STXBP5: variants seen among roughly 807,000 people sequenced by gnomAD.
STXBP5 encodes syntaxin binding protein 5.
STXBP5 carries 50 observed loss-of-function variants against 152.4 expected under a neutral mutation model. The observed-to-expected ratio is 0.33, with a 90% CI of 0.26 to 0.42. The LOEUF is 0.42. STXBP5 is among the 10% of genes least tolerant of loss of function. The probability of loss-of-function intolerance (pLI) is 1.00; values close to 1 mark genes in which losing one functional copy is unlikely to be tolerated. For synonymous variants in STXBP5, 492 were observed against 494.7 expected, an observed-to-expected ratio of 0.99 and a Z score of 0.07; for missense variants, 1,167 against 1,388.6, an observed-to-expected ratio of 0.84 and a Z score of 2.54.
chr6:147,271,512 A>T (rs775914489), intron 7 of STXBP5, among the ~76,000 whole-genome samples: 7 of 152,166 alleles, frequency 4.6e-5, no homozygotes, highest in Non-Finnish European at 1.0e-4. Flanking sequence ...TGGAAAATCT[A>T]TAAATATTGA....
intron 2 of STXBP5, among the ~76,000 whole-genome samples, chr6:147,233,235 A>G (rs1248804426): frequency 1.3e-5 from 2 of 151,808 alleles, no homozygotes; most frequent in Non-Finnish European, 3.0e-5. Context: ...TTTGGTGTGC[A>G]TACCTATAAA....
chr6:147,330,935 G>A (rs1199898692), intron 18 of STXBP5, among the ~76,000 whole-genome samples: 4 of 152,168 alleles, frequency 2.6e-5, no homozygotes, highest in African/African-American at 4.8e-5. Flanking sequence ...GTTGTCTATA[G>A]CTGCTTTTGT....
rs145592531 is a variant in STXBP5, at chr6:147,354,581, A to G, written c.2305+1208A>G. ...AGACTCTCAGAGGCCCAGGATTTCA[A>G]TAGCATTAAATATTACTAGTTAAAG... On this transcript the variant is annotated intron_variant, in intron 22 of 27. Transcript: ENST00000321680. 2.8e-3 allele frequency among the ~76,000 whole-genome samples: 420 copies of G among 152,284 alleles called. 2 individuals carry two copies. Among genetic ancestry groups the G allele is most frequent in the Non-Finnish European group, 4.2e-3 (286 of 68,012 alleles).
At chr6:147,315,464 T>C (rs1782594974) in intron 14 of STXBP5, 51 bp from the exon 15 acceptor site, 1 of 1,261,092 alleles carries the variant, frequency 7.9e-7, no homozygotes, top group Non-Finnish European at 1.1e-6. Context: ...TGTTACCTTA[T>C]GTTTGATCAT....
intron 2 of STXBP5, among the ~76,000 whole-genome samples, chr6:147,215,413 G>T (rs555591626): frequency 5.5e-4 from 84 of 152,206 alleles, no homozygotes; most frequent in African/African-American, 1.9e-3. Context: ...ACAAGGTCTG[G>T]CTCTGTCGCC....
intron 4 of STXBP5, among the ~76,000 whole-genome samples, chr6:147,241,032 T>TA (rs1778515316): frequency 6.6e-6 from 1 of 152,228 alleles, no homozygotes; most frequent in Admixed American, 6.5e-5. Context: ...TTCTAACTCT[T>TA]ACTGTATTAT....
intron 18 of STXBP5, among the ~76,000 whole-genome samples, chr6:147,328,540 T>C (rs2128387880): frequency 6.6e-6 from 1 of 152,336 alleles, no homozygotes; most frequent in African/African-American, 2.4e-5. Context: ...TACTTTGGCT[T>C]GATGACTGAA....
In STXBP5 at chr6:147,205,972, C is replaced by T. The variant is rs1776534313; in HGVS notation, c.152C>T (p.Thr51Ile). ...GTGATGTCACTTGCCCATCCCTAGA[C>T]TGTTCGCCATGGATTTCCCTATCAA... ...LQSEHFQLCK[T>I]VRHGFPYQPS... is the part of the protein sequence containing the mutation. The change falls in exon 2 of 28, where the codon ACT (threonine) becomes ATT (isoleucine). Residue 51 changes from threonine to isoleucine, a missense_variant and splice_region_variant. Thr to Ile is a moderately conservative substitution (Grantham distance 89). Around this residue, in one of 3 missense-constraint regions of STXBP5, gnomAD observed 310 missense variants for 346.1 expected, o/e 0.90. Coordinates refer to ENST00000321680, the MANE Select transcript of STXBP5 (RefSeq NM_001127715.4). 6.2e-7 allele frequency: 1 copy of T among 1,613,830 alleles called. No homozygotes were observed. Among genetic ancestry groups the T allele is most frequent in the Admixed American group, 1.7e-5 (1 of 59,996 alleles).
intron 18 of STXBP5, 47 bp from the exon 19 acceptor site, chr6:147,334,110 C>G: frequency 6.3e-7 from 1 of 1,581,728 alleles, no homozygotes; most frequent in Non-Finnish European, 8.6e-7. Context: ...CAAAACTGCA[C>G]TTACATAAAT....
At chr6:147,226,311 A>C (rs1204800354) in intron 2 of STXBP5, among the ~76,000 whole-genome samples, 4 of 152,122 alleles carry the variant, frequency 2.6e-5, no homozygotes, top group Non-Finnish European at 4.4e-5. Context: ...AAAAAAAAAA[A>C]AAGATATTAC....
rs1039084 is a variant in STXBP5 at position 147,314,277 on chromosome 6, A to G, written c.1307A>G (p.Asn436Ser). The G allele has an allele frequency of 0.53, 849,375 of 1,599,470 alleles. 229,177 individuals carry two copies. The highest frequency in any genetic ancestry group is 0.55 in the Non-Finnish European group (641,761 of 1,167,230). The change falls in exon 13 of 28, where the codon AAC (asparagine) becomes AGC (serine). Residue 436 changes from asparagine (N) to serine (S), a missense_variant. Asn to Ser is a conservative substitution (Grantham distance 46). Around this residue, in one of 3 missense-constraint regions of STXBP5, gnomAD observed 833 missense variants for 986.3 expected, o/e 0.84. Transcript: ENST00000321680. ...QGYSKKEWPI[N>S]GGNWGLGAQS... ...CTTTTTTTATAGGAATGGCCCATCA[A>G]CGGAGGTAATTGGGGCTTGGGTGCT...
At chr6:147,269,355 C>G (rs619175) in intron 7 of STXBP5, among the ~76,000 whole-genome samples, 50,307 of 152,000 alleles carry the variant, frequency 0.33, 9,522 homozygotes, top group South Asian at 0.46. Flanking sequence ...TTTGAAAGGA[C>G]TGAAAGGACT....
At chr6:147,257,973 G>A (rs1185968649) in intron 4 of STXBP5, among the ~76,000 whole-genome samples, 1 of 152,110 alleles carries the variant, frequency 6.6e-6, no homozygotes, top group East Asian at 1.9e-4. Context: ...TGCCTTACTC[G>A]TATGTCTGGT....
intron 25 of STXBP5, among the ~76,000 whole-genome samples, chr6:147,373,355 G>C (rs1785650847): frequency 1.0e-5 from 1 of 98,906 alleles, no homozygotes; most frequent in South Asian, 3.8e-4. Flanking sequence ...GACAGAGTGA[G>C]ACTGTCTCAA....
intron 4 of STXBP5, among the ~76,000 whole-genome samples, chr6:147,258,207 C>A (rs1014780081): frequency 1.3e-5 from 2 of 152,174 alleles, no homozygotes; most frequent in African/African-American, 2.4e-5. Flanking sequence ...AATCTGAAAT[C>A]TTCTACGTTT....
At chr6:147,311,102 T>C (rs1056407031) in intron 10 of STXBP5, among the ~76,000 whole-genome samples, 2 of 152,156 alleles carry the variant, frequency 1.3e-5, no homozygotes, top group Admixed American at 6.5e-5. Flanking sequence ...CCAAGAAAGA[T>C]AGTATTATAG....
In STXBP5 at chr6:147,292,326, G is replaced by A. The variant is rs754416596; in HGVS notation, c.917+1154G>A. 24 of 432,856 alleles carry A rather than the reference G, an allele frequency of 5.5e-5. 1 individual carries two copies. Among genetic ancestry groups the A allele is most frequent in the South Asian group, 2.0e-4 (12 of 60,536 alleles). 26.8% of individuals were successfully genotyped at this position (432,856 alleles called of 1,614,324 possible). A position where few individuals can be genotyped will look rare whatever the true frequency, so the allele number is the denominator to read the frequency against. On this transcript the variant is annotated intron_variant, in intron 9 of 27. Coordinates refer to ENST00000321680, the MANE Select transcript of STXBP5 (RefSeq NM_001127715.4). ...ATAGATTAAATGAACTCTAAGAGGTGTATCATCTGTTTGACTCTTGCATCC... is the reference window on the plus strand; with the variant it reads ...ATAGATTAAATGAACTCTAAGAGGTATATCATCTGTTTGACTCTTGCATCC...
At chr6:147,330,423 C>CTAAG (rs1157428537) in intron 18 of STXBP5, among the ~76,000 whole-genome samples, 2 of 151,940 alleles carry the variant, frequency 1.3e-5, no homozygotes, top group Non-Finnish European at 2.9e-5. Flanking sequence ...AAACTAAATC[C>CTAAG]TAAGTTCCTT....
At chr6:147,329,617 CT>C (rs34913817) in intron 18 of STXBP5, among the ~76,000 whole-genome samples, 3 of 71,708 alleles carry the variant, frequency 4.2e-5, no homozygotes, top group Non-Finnish European at 7.2e-5. Flanking sequence ...GTTCTTCAGG[CT>C]TTTTTTTTTT....
Sources: gnomAD v4.1 joint callset for allele counts (sites outside exome capture counted in the v4.1 genomes callset) on GRCh38, gnomAD v4.1.1 for gene constraint, gnomAD v4.1.1 regional missense constraint, MANE v1.5 for transcripts, NCBI Gene and HGNC (gene_info 2026-07-23, HGNC 2026-07-21) for gene names.